Variants in PCOLCE2 observed in about 807,000 individuals in gnomAD.
PCOLCE2 encodes the protein procollagen C-endopeptidase enhancer 2.
PCOLCE2 carries 42 observed loss-of-function variants against 47.0 expected under a neutral mutation model. The ratio of observed to expected loss-of-function variants is 0.89; its 90% confidence interval spans 0.70 to 1.16. The LOEUF is 1.16. Ranked by LOEUF, PCOLCE2 falls within the 50% of genes most tolerant of loss-of-function variation. The pLI, the probability that PCOLCE2 is intolerant of heterozygous loss-of-function variation, is 0.00. For synonymous variants in PCOLCE2, 169 were observed against 191.7 expected (o/e 0.88, Z 0.98); for missense variants, 500 against 526.1 (o/e 0.95, Z 0.49).
At chr3:142,826,983 C>A in intron 6 of PCOLCE2, 1 of 585,554 alleles carries the variant, frequency 1.7e-6, no homozygotes, top group East Asian at 3.7e-5. Flanking sequence ...CCTCCTCCTG[C>A]CCTCAATCTC....
At chr3:142,885,214 C>A (rs1278466749) in intron 2 of PCOLCE2, among the ~76,000 whole-genome samples, 1 of 152,122 alleles carries the variant, frequency 6.6e-6, no homozygotes, top group Non-Finnish European at 1.5e-5. Context: ...TAATGAAAAC[C>A]ATTTAGCGGT....
intron 2 of PCOLCE2, among the ~76,000 whole-genome samples, chr3:142,883,185 C>T (rs1228986254): frequency 9.6e-5 from 11 of 114,408 alleles, no homozygotes; most frequent in African/African-American, 3.0e-4. Flanking sequence ...GGCAACAGAG[C>T]GAGACTCCGT....
chr3:142,819,819 T>G (rs562059704), intron 8 of PCOLCE2, among the ~76,000 whole-genome samples: 103 of 152,120 alleles, frequency 6.8e-4, no homozygotes, highest in Non-Finnish European at 1.3e-3. Context: ...CTAAATTTTT[T>G]TATTTTTAGT....
chr3:142,866,226 C>T (rs143672490), intron 2 of PCOLCE2, among the ~76,000 whole-genome samples: 22 of 152,232 alleles, frequency 1.4e-4, no homozygotes, highest in African/African-American at 5.1e-4. Context: ...CTGTTGAGGG[C>T]CCAAGTAGAA....
chr3:142,886,684 G>T (rs1429537235), intron 2 of PCOLCE2, among the ~76,000 whole-genome samples: 1 of 152,134 alleles, frequency 6.6e-6, no homozygotes, highest in African/African-American at 2.4e-5. Context: ...TGGGCTTCCC[G>T]ACTGTCTGAT....
intron 6 of PCOLCE2, chr3:142,827,691 TG>T (rs1463740089): frequency 1.7e-6 from 2 of 1,186,892 alleles, no homozygotes; most frequent in East Asian, 2.3e-5. Context: ...AAGACCACCT[TG>T]GGGAGGGGCG....
At chr3:142,870,578 T>A (rs1049430583) in intron 2 of PCOLCE2, among the ~76,000 whole-genome samples, 30 of 152,276 alleles carry the variant, frequency 2.0e-4, no homozygotes, top group Middle Eastern at 3.4e-3. Flanking sequence ...AATGTAAAAT[T>A]GTGGCATTTT....
chr3:142,889,009 A>ACTGGCAGCAGCGCTGGCTCACC lies in PCOLCE2; in HGVS notation c.-114_-113insGGTGAGCCAGCGCTGCTGCCAG. 1 of 462,784 alleles carries ACTGGCAGCAGCGCTGGCTCACC rather than the reference A, an allele frequency of 2.2e-6. No homozygotes were observed. The highest frequency in any genetic ancestry group is 3.6e-6 in the Non-Finnish European group (1 of 278,330). 28.7% of individuals were successfully genotyped at this position (462,784 alleles called of 1,614,324 possible). Reference sequence around the variant, plus strand: ...CACACTGGCAGCAGCGCTGGCTCACACCGGCGCTCGGCTGCCCGCGCGCTC... The same window carrying ACTGGCAGCAGCGCTGGCTCACC: ...CACACTGGCAGCAGCGCTGGCTCACACTGGCAGCAGCGCTGGCTCACCCCGGCGCTCGGCTGCCCGCGCGCTC... On this transcript the variant is annotated 5_prime_UTR_variant, in exon 1 of 9. Coordinates refer to ENST00000295992, the MANE Select transcript of PCOLCE2 (RefSeq NM_013363.4).
chr3:142,873,418 T>A lies in PCOLCE2; in HGVS notation c.192+14251A>T, dbSNP rs192134763. Among the ~76,000 whole-genome samples the A allele has an allele frequency of 6.8e-3, 1,012 of 149,312 alleles. 7 individuals are homozygous for A. The highest frequency in any genetic ancestry group is 0.018 in the African/African-American group (735 of 40,592). On this transcript the variant is annotated intron_variant, in intron 2 of 8. Coordinates refer to ENST00000295992, the MANE Select transcript of PCOLCE2 (RefSeq NM_013363.4). ...CAAAAAAAAAAAAAAAAGAAAAAAATTTTTTAAAGTTAACTACCTATATAA... is the reference window on the plus strand; with the variant it reads ...CAAAAAAAAAAAAAAAAGAAAAAAAATTTTTAAAGTTAACTACCTATATAA...
At chr3:142,856,341 C>T (rs1933057161) in intron 2 of PCOLCE2, among the ~76,000 whole-genome samples, 1 of 152,212 alleles carries the variant, frequency 6.6e-6, no homozygotes, top group African/African-American at 2.4e-5. Context: ...TGAGTTATCA[C>T]CGCTGAGTCC....
intron 8 of PCOLCE2, among the ~76,000 whole-genome samples, chr3:142,819,005 T>C (rs1446075489): frequency 6.6e-6 from 1 of 152,200 alleles, no homozygotes; most frequent in Admixed American, 6.5e-5. Flanking sequence ...CCATCATGTG[T>C]CTGGATTTTC....
At chr3:142,873,891 A>G (rs1933446299) in intron 2 of PCOLCE2, among the ~76,000 whole-genome samples, 2 of 152,224 alleles carry the variant, frequency 1.3e-5, no homozygotes, top group Non-Finnish European at 2.9e-5. Flanking sequence ...AGAATTCTAC[A>G]GAGTACAAAA....
chr3:142,887,173 T>C (rs970073206), intron 2 of PCOLCE2: 1 of 152,552 alleles, frequency 6.6e-6, no homozygotes, highest in African/African-American at 2.4e-5. Context: ...CATTCTCTAT[T>C]CTTAGACTGC....
At chr3:142,827,290 C>G (rs1328156342) in intron 6 of PCOLCE2, 4 of 1,320,458 alleles carry the variant, frequency 3.0e-6, no homozygotes, top group Non-Finnish European at 4.4e-6. Flanking sequence ...GCCACCAGTT[C>G]CTCTTTGCCT....
rs745851195 is a variant in PCOLCE2, at chr3:142,818,439, C to T, written c.1144G>A (p.Val382Ile). The T allele has an allele frequency of 4.3e-6, 7 of 1,612,312 alleles. No individual in the cohort carries two copies. Among genetic ancestry groups the T allele is most frequent in the Admixed American group, 3.3e-5 (2 of 59,990 alleles). ...ATTTTGCCTCGCCCATCTTCACCTA[C>T]TTGGCCCATAATAATGTAATTTAGA... ...RGLNYIIMGQ[V>I]GEDGRGKIMP... The change falls in exon 9 of 9, where the codon GTA becomes ATA. Residue 382 changes from valine (V) to isoleucine (I), a missense_variant. By Grantham distance (29) the Val-to-Ile change is conservative (BLOSUM62 3). Coordinates refer to ENST00000295992, the MANE Select transcript of PCOLCE2 (RefSeq NM_013363.4).
chr3:142,874,354 G>T (rs539427581), intron 2 of PCOLCE2, among the ~76,000 whole-genome samples: 1 of 152,304 alleles, frequency 6.6e-6, no homozygotes, highest in South Asian at 2.1e-4. Flanking sequence ...GATTAAAGGC[G>T]TGAGCCACCG....
chr3:142,831,939 A>T (rs1244868885), intron 5 of PCOLCE2, among the ~76,000 whole-genome samples: 1 of 152,214 alleles, frequency 6.6e-6, no homozygotes, highest in Non-Finnish European at 1.5e-5. Context: ...CAGTGCCACA[A>T]ATGTACTGGG....
intron 2 of PCOLCE2, among the ~76,000 whole-genome samples, chr3:142,863,096 C>CAAAAAAA (rs35383176): frequency 1.2e-5 from 1 of 85,992 alleles, no homozygotes; most frequent in Non-Finnish European, 2.2e-5. Context: ...GTCTGGCAGG[C>CAAAAAAA]AAAAAAAAAA....
chr3:142,848,228 G>T lies in PCOLCE2; in HGVS notation c.437C>A (p.Pro146Gln). The change falls in exon 3 of 9, where the codon CCA (proline) becomes CAA (glutamine). Residue 146 changes from proline (P) to glutamine (Q), a missense_variant. Transcript: ENST00000295992. ...GFMAMFSAAEPNERGDQYCGG... is the reference protein window; with the variant it reads ...GFMAMFSAAEQNERGDQYCGG... ...TGTGGAAACAGTACCTCTTTCGTTTGGTTCAGCAGCGGAGAACATGGCCAT... is the reference window on the plus strand; with the variant it reads ...TGTGGAAACAGTACCTCTTTCGTTTTGTTCAGCAGCGGAGAACATGGCCAT... 6.2e-7 allele frequency: 1 copy of T among 1,613,794 alleles called. No individual in the cohort carries two copies. The highest frequency in any genetic ancestry group is 8.5e-7 in the Non-Finnish European group (1 of 1,179,708).
Sources: gnomAD v4.1 joint callset for allele counts (sites outside exome capture counted in the v4.1 genomes callset) on GRCh38, gnomAD v4.1.1 for gene constraint, MANE v1.5 for transcripts, NCBI Gene and HGNC (gene_info 2026-07-23, HGNC 2026-07-21) for gene names.